Variants in DOCK2 observed in about 807,000 individuals in gnomAD.
The protein encoded by DOCK2 is dedicator of cytokinesis 2.
Under a neutral mutation model 248.9 loss-of-function variants are expected in DOCK2, and 87 were observed. That is an observed-to-expected ratio of 0.35 (90% CI 0.29 to 0.42). The LOEUF is 0.42. Among genes scored for constraint, DOCK2 ranks in the 10% least tolerant of loss-of-function variants. The pLI, the probability that DOCK2 is intolerant of heterozygous loss-of-function variation, is 1.00. For synonymous variants in DOCK2, 805 were observed against 821.6 expected (o/e 0.98, Z 0.35); for missense variants, 1,747 against 2,300.2 (o/e 0.76, Z 4.92).
chr5:169,994,802 G>A (rs1204120161), intron 29 of DOCK2, among the ~76,000 whole-genome samples: 1 of 152,130 alleles, frequency 6.6e-6, no homozygotes, highest in Non-Finnish European at 1.5e-5. Context: ...GACTCACCCT[G>A]TAGGCAGTGG....
rs183236074 is a variant in DOCK2 at position 169,761,715 on chromosome 5, T to C, written c.2554+90T>C. 7 of 996,894 alleles carry C rather than the reference T, an allele frequency of 7.0e-6. No individual in the cohort carries two copies. The Admixed American group carries it at 9.5e-5, about 14-fold the overall frequency. 61.8% of individuals were successfully genotyped at this position (996,894 alleles called of 1,614,324 possible). ...AAGCTTGGCAGGAGAGGGCAACCTG[T>C]CCAGTGACTATAACATCTCTTTTCT... is the stretch of plus-strand genomic sequence containing the variant. On this transcript the variant is annotated intron_variant, in intron 25 of 51. Transcript: ENST00000520908.
intron 27 of DOCK2, among the ~76,000 whole-genome samples, chr5:169,973,748 A>T (rs2161368): frequency 1.1e-4 from 17 of 152,062 alleles, no homozygotes; most frequent in Non-Finnish European, 2.2e-4. Context: ...GGGTGTCCTC[A>T]GCCATAGAGA....
chr5:169,956,936 C>T (rs1055911176), intron 27 of DOCK2, among the ~76,000 whole-genome samples: 10 of 152,058 alleles, frequency 6.6e-5, no homozygotes, highest in African/African-American at 2.4e-4. Context: ...GCCTGCAGAG[C>T]CAGCACTGTC....
chr5:169,921,227 G>A (rs764730218), intron 27 of DOCK2, among the ~76,000 whole-genome samples: 8 of 152,166 alleles, frequency 5.3e-5, no homozygotes, highest in African/African-American at 1.2e-4. Context: ...AACTAAGTCC[G>A]TATTCCTCCT....
chr5:169,719,846 G>T (rs1034496155), intron 22 of DOCK2, among the ~76,000 whole-genome samples: 1 of 151,382 alleles, frequency 6.6e-6, no homozygotes, highest in Non-Finnish European at 1.5e-5. Context: ...TTATGGTGTG[G>T]ACTTGTTATT....
intron 26 of DOCK2, among the ~76,000 whole-genome samples, chr5:169,821,737 C>A (rs1190383603): frequency 2.0e-5 from 3 of 152,192 alleles, no homozygotes; most frequent in Admixed American, 2.0e-4. Flanking sequence ...CAGCTAACAT[C>A]ATAATGACAG....
intron 32 of DOCK2, among the ~76,000 whole-genome samples, 180 bp from the exon 33 acceptor site, chr5:170,018,780 C>T (rs541962945): frequency 3.6e-4 from 55 of 152,272 alleles, no homozygotes; most frequent in South Asian, 3.5e-3. Context: ...TGCGCTCTAA[C>T]GGGAGTTAAT....
intron 26 of DOCK2, among the ~76,000 whole-genome samples, chr5:169,819,491 T>C (rs1768284939): frequency 6.6e-6 from 1 of 152,138 alleles, no homozygotes; most frequent in Admixed American, 6.5e-5. Flanking sequence ...CATGGTAGCA[T>C]GCACCTGTAG....
chr5:169,902,046 T>C (rs1277537957), intron 27 of DOCK2, among the ~76,000 whole-genome samples: 2 of 151,984 alleles, frequency 1.3e-5, no homozygotes. Flanking sequence ...GGTTTGTTTC[T>C]CCCTCTCTGT....
intron 27 of DOCK2, among the ~76,000 whole-genome samples, chr5:169,846,746 A>C (rs373415236): frequency 1.4e-4 from 21 of 152,308 alleles, no homozygotes; most frequent in African/African-American, 5.1e-4. Flanking sequence ...GTTTTTTGTT[A>C]CATGGATGAA....
chr5:170,063,908 A>T (rs147669310), intron 44 of DOCK2, among the ~76,000 whole-genome samples: 42 of 152,302 alleles, frequency 2.8e-4, no homozygotes, highest in African/African-American at 9.9e-4. Context: ...GTGAGAGGTA[A>T]TCGCCCATGC....
chr5:169,977,738 C>A (rs769386389), intron 27 of DOCK2, among the ~76,000 whole-genome samples: 4 of 152,162 alleles, frequency 2.6e-5, no homozygotes, highest in Non-Finnish European at 5.9e-5. Flanking sequence ...GAGCCCAGAA[C>A]GCAAGGACAG....
At chr5:169,915,636 G>C (rs960701491) in intron 27 of DOCK2, among the ~76,000 whole-genome samples, 3 of 151,672 alleles carry the variant, frequency 2.0e-5, no homozygotes, top group Admixed American at 2.0e-4. Flanking sequence ...GACAGAGACA[G>C]ACAGAGACTG....
At chr5:169,673,434 A>G (rs894603405) in intron 5 of DOCK2, among the ~76,000 whole-genome samples, 1 of 152,074 alleles carries the variant, frequency 6.6e-6, no homozygotes, top group Middle Eastern at 3.2e-3. Flanking sequence ...TACCACCCAC[A>G]CTTTCCCAAA....
rs28874042 is a variant in DOCK2 at position 169,820,954 on chromosome 5, G to A, written c.2703+17748G>A. Among the ~76,000 whole-genome samples the A allele has an allele frequency of 4.2e-4, 64 of 152,306 alleles. No homozygotes were observed. The East Asian group carries it at 0.01, about 25-fold the overall frequency. On this transcript the variant is annotated intron_variant, in intron 26 of 51. Coordinates refer to ENST00000520908, the MANE Select transcript of DOCK2 (RefSeq NM_004946.3). ...CTGATGGAGCTGAAAACCACGGCAC[G>A]AGAACTACGTGACGAATGCACAAGC...
intron 25 of DOCK2, among the ~76,000 whole-genome samples, chr5:169,800,932 TTTTC>T (rs759411682): frequency 1.0e-4 from 13 of 124,768 alleles, no homozygotes; most frequent in African/African-American, 4.3e-4. Context: ...TTCTTTTTTC[TTTTC>T]TTTCTTTCTT....
intron 39 of DOCK2, 86 bp from the exon 40 acceptor site, chr5:170,047,424 G>A: frequency 8.4e-7 from 1 of 1,186,158 alleles, no homozygotes; most frequent in Non-Finnish European, 1.2e-6. Flanking sequence ...CTGGTATAAT[G>A]AAAATGTCTT....
intron 32 of DOCK2, among the ~76,000 whole-genome samples, chr5:170,013,835 C>T (rs558973787): frequency 3.2e-4 from 48 of 152,266 alleles, no homozygotes; most frequent in Middle Eastern, 3.4e-3. Context: ...ATGCCAGTAG[C>T]TGGGGTTAAA....
intron 44 of DOCK2, among the ~76,000 whole-genome samples, chr5:170,066,500 A>G (rs1380687708): frequency 6.6e-6 from 1 of 152,172 alleles, no homozygotes; most frequent in Non-Finnish European, 1.5e-5. Flanking sequence ...AGCCAGAAAA[A>G]CAATAAGAAA....
Sources: allele counts gnomAD v4.1 joint callset (sites outside exome capture counted in the v4.1 genomes callset), GRCh38; gene constraint gnomAD v4.1.1; transcripts MANE v1.5; gene names NCBI Gene and HGNC (gene_info 2026-07-23, HGNC 2026-07-21).